Variants in IAH1 observed in about 807,000 individuals in gnomAD.
The protein encoded by IAH1 is isoamyl acetate hydrolyzing esterase 1 (putative).
IAH1 carries 24 observed loss-of-function variants against 26.7 expected under a neutral mutation model. The ratio of observed to expected loss-of-function variants is 0.90; its 90% CI spans 0.65 to 1.26. The LOEUF (loss-of-function observed/expected upper bound fraction) is 1.26. Among genes scored for constraint, IAH1 ranks in the 50% most tolerant of loss-of-function variants. IAH1 has a pLI of 0.00. For missense variants in IAH1, 300 were observed against 299.9 expected (o/e 1.00, Z 0.00); for synonymous variants, 140 against 118.5 (o/e 1.18, Z -1.18).
the IAH1 span, among the ~76,000 whole-genome samples, chr2:9,503,137 C>CAAAAAA: frequency 1.3e-5 from 1 of 74,206 alleles, no homozygotes; most frequent in Admixed American, 1.7e-4. Context: ...GAGACTCTCT[C>CAAAAAA]AAAAAAAAAA....
chr2:9,499,415 T>G, downstream of IAH1, among the ~76,000 whole-genome samples: 1 of 152,106 alleles, frequency 6.6e-6, no homozygotes, highest in East Asian at 1.9e-4. Context: ...TTTTGGTTTT[T>G]TTTTGAGATG....
chr2:9,488,481 G>T lies in IAH1; in HGVS notation c.*152G>T, dbSNP rs1159977648. The T allele has an allele frequency of 5.5e-6, 3 of 545,170 alleles. No individual in the cohort carries two copies. The highest frequency in any genetic ancestry group is 1.9e-5 in the African/African-American group (1 of 52,034). The allele number at this position is 545,170 out of a possible 1,614,324, so 33.8% of individuals were successfully genotyped here. On this transcript the variant is annotated 3_prime_UTR_variant, in exon 6 of 6. Transcript: ENST00000497473. ...TTTTTCAGGGAAGTTTTATACTTAGGTCCATTGTGTTTCGACAGTATTTAT... is the reference window on the plus strand; with the variant it reads ...TTTTTCAGGGAAGTTTTATACTTAGTTCCATTGTGTTTCGACAGTATTTAT...
intron 1 of IAH1, 66 bp from the exon 2 acceptor site, chr2:9,475,921 G>T (rs1330257995): frequency 3.5e-6 from 5 of 1,422,452 alleles, no homozygotes; most frequent in Non-Finnish European, 4.9e-6. Flanking sequence ...TTGCCAATCA[G>T]AACTGCCCTC....
chr2:9,497,167 T>C (rs774751396), downstream of IAH1: 1 of 1,614,220 alleles, frequency 6.2e-7, no homozygotes, highest in Non-Finnish European at 8.5e-7. Flanking sequence ...AGGGATGCAT[T>C]TCCCATCCTT....
intron 2 of IAH1, 21 bp downstream of exon 2, chr2:9,476,060 T>A: frequency 6.2e-7 from 1 of 1,601,286 alleles, no homozygotes; most frequent in South Asian, 1.1e-5. Context: ...TTTCCGATAC[T>A]TGAGTTCTTA....
At chr2:9,474,514 G>C, upstream of IAH1, 1 of 1,213,428 alleles carries the variant, frequency 8.2e-7, no homozygotes, top group Non-Finnish European at 1.1e-6. The surrounding 1 kb of genome is among the most constrained non-coding windows in gnomAD (Gnocchi z 4.3). Flanking sequence ...GGCGGCCACT[G>C]CGCAGGCGCC....
chr2:9,495,736 C>A (rs1662536079), intron 6 of IAH1, among the ~76,000 whole-genome samples: 1 of 151,152 alleles, frequency 6.6e-6, no homozygotes, highest in African/African-American at 2.4e-5. Flanking sequence ...AAAACCTTTT[C>A]ATCATTCACT....
At chr2:9,477,490 G>GA (rs147460467) in intron 2 of IAH1, among the ~76,000 whole-genome samples, 8,812 of 151,706 alleles carry the variant, frequency 0.058, 893 homozygotes, top group African/African-American at 0.2. Flanking sequence ...CCAAGACTAA[G>GA]AAAAAAAGAG....
chr2:9,494,744 A>G (rs1662432968), exon 6 of IAH1: 1 of 1,614,094 alleles, frequency 6.2e-7, no homozygotes, highest in Non-Finnish European at 8.5e-7. Flanking sequence ...TCCCTGCAGC[A>G]CACCTTGCAG....
chr2:9,474,676 G>C lies in IAH1; in HGVS notation c.81+29G>C. Reference sequence around the variant, plus strand: ...CGGCCGCCCCGACGCTCGGCCTCCCGCCCCGGCCTCCCTGCGGGGTCGCTG... The same window carrying C: ...CGGCCGCCCCGACGCTCGGCCTCCCCCCCCGGCCTCCCTGCGGGGTCGCTG... On this transcript the variant is annotated intron_variant, in intron 1 of 5. Transcript: ENST00000497473. The surrounding 1 kb of genome is among the most constrained non-coding windows in gnomAD (Gnocchi z 4.3). The C allele has an allele frequency of 6.7e-7, 1 of 1,496,230 alleles. No individual in the cohort carries two copies. The highest frequency in any genetic ancestry group is 9.0e-7 in the Non-Finnish European group (1 of 1,113,336). The allele number at this position is 1,496,230 out of a possible 1,614,324, so 92.7% of individuals were successfully genotyped here.
downstream of IAH1, chr2:9,493,636 G>C: frequency 1.1e-6 from 1 of 883,774 alleles, no homozygotes; most frequent in Admixed American, 2.5e-5. Flanking sequence ...GCTGTGAATA[G>C]TTCCACCTTC....
chr2:9,481,393 A>G lies in IAH1; in HGVS notation c.391A>G (p.Ile131Val). 6.2e-7 allele frequency: 1 copy of G among 1,613,920 alleles called. No individual in the cohort carries two copies. The highest frequency in any genetic ancestry group is 1.1e-5 in the South Asian group (1 of 91,076). Residue 131 changes from isoleucine (I) to valine (V), a missense_variant, in exon 4 of 6, where the codon ATC becomes GTC. Coordinates refer to ENST00000497473, the MANE Select transcript of IAH1 (RefSeq NM_001039613.3). ...CATCCCTGAGAATCGAGTCATTCTC[A>G]TCACGCCGACCCCACTTTGTGAAAC... is the stretch of plus-strand genomic sequence containing the variant. ...VDIPENRVIL[I>V]TPTPLCETAW...
the IAH1 span, among the ~76,000 whole-genome samples, chr2:9,506,360 T>G: frequency 1.9e-5 from 2 of 107,432 alleles, no homozygotes; most frequent in Admixed American, 8.7e-5. Context: ...TTCAAATCTG[T>G]TTTTTTTTTT....
chr2:9,495,386 C>T (rs1340305159), intron 6 of IAH1, among the ~76,000 whole-genome samples: 1 of 152,240 alleles, frequency 6.6e-6, no homozygotes, highest in Non-Finnish European at 1.5e-5. Context: ...AAAAAGAAAT[C>T]AACTAGAACA....
intron 2 of IAH1, among the ~76,000 whole-genome samples, chr2:9,477,660 C>T (rs1270092462): frequency 6.8e-6 from 1 of 146,590 alleles, no homozygotes; most frequent in East Asian, 2.0e-4. Flanking sequence ...TCCAGGCAAC[C>T]CGGCTTTTTT....
downstream of IAH1, among the ~76,000 whole-genome samples, chr2:9,492,695 C>T (rs1662257851): frequency 6.6e-6 from 1 of 152,104 alleles, no homozygotes; most frequent in African/African-American, 2.4e-5. Context: ...AACACCAACA[C>T]ACAAAAATAG....
downstream of IAH1, chr2:9,492,845 A>G (rs969191120): frequency 2.9e-5 from 42 of 1,458,964 alleles, no homozygotes; most frequent in Non-Finnish European, 3.7e-5. Flanking sequence ...ACATGGTTGG[A>G]GTTGATCAAA....
chr2:9,505,587 G>A, the IAH1 span: 1 of 557,616 alleles, frequency 1.8e-6, no homozygotes. Flanking sequence ...ACTTGGTTAA[G>A]GATCTATAAT....
At position 9,489,637 on chromosome 2, in the gene IAH1, C is replaced by T. The variant is rs762493910; in HGVS notation, c.*1308C>T. 1 of 141,570 alleles carries T rather than the reference C, an allele frequency of 7.1e-6. No homozygotes were observed. The highest frequency in any genetic ancestry group is 1.5e-5 in the Non-Finnish European group (1 of 66,498). The allele number at this position is 141,570 out of a possible 1,614,324, so 8.8% of individuals were successfully genotyped here. A position where few individuals can be genotyped will look rare whatever the true frequency, so the allele number is the denominator to read the frequency against. On this transcript the variant is annotated 3_prime_UTR_variant, in exon 6 of 6. Transcript: ENST00000497473. ...ATTTAGATATATATTTTCCCTGCTA[C>T]ATAAAAACTCTGGGTAATAACTAGA...
Sources: allele counts gnomAD v4.1 joint callset (sites outside exome capture counted in the v4.1 genomes callset), GRCh38; gene constraint gnomAD v4.1.1; non-coding constraint Gnocchi (gnomAD v3.1); transcripts MANE v1.5; gene names NCBI Gene and HGNC (gene_info 2026-07-23, HGNC 2026-07-21).